Variants in BTBD3 observed in about 807,000 individuals in gnomAD.
The protein encoded by BTBD3 is BTB/POZ domain-containing protein 3.
In BTBD3, 14 loss-of-function variants were observed where a neutral mutation model predicts 41.6. The observed-to-expected ratio is 0.34, with a 90% CI of 0.22 to 0.53. BTBD3 has a LOEUF of 0.53. BTBD3 is among the 20% of genes least tolerant of loss of function. The probability of loss-of-function intolerance (pLI) is 0.95; values close to 1 mark genes in which losing one functional copy is unlikely to be tolerated. For missense variants in BTBD3, 426 were observed against 654.7 expected, an observed-to-expected ratio of 0.65 and a Z score of 3.81; for synonymous variants, 249 against 233.7, an observed-to-expected ratio of 1.07 and a Z score of -0.60.
At chr20:11,919,239 G>T (rs1445381182) in intron 2 of BTBD3, 63 bp downstream of exon 2, 1 of 1,497,572 alleles carries the variant, frequency 6.7e-7, no homozygotes, top group Non-Finnish European at 9.2e-7. Context: ...CTTTCCATAA[G>T]CCTGTAACTT....
chr20:11,922,582 G>T (rs1378991422), intron 3 of BTBD3, 52 bp from the exon 4 acceptor site: 2 of 1,505,006 alleles, frequency 1.3e-6, no homozygotes, highest in Non-Finnish European at 1.8e-6. Context: ...TTTTCTTGCT[G>T]GATGTACTCA....
chr20:11,905,951 T>C (rs1375024563), intron 1 of BTBD3, among the ~76,000 whole-genome samples: 2 of 152,192 alleles, frequency 1.3e-5, no homozygotes, highest in African/African-American at 4.8e-5. Context: ...TTTTAAGTCA[T>C]ATACACATTG....
chr20:11,917,766 A>G (rs1469601844), upstream of BTBD3: 1 of 184,302 alleles, frequency 5.4e-6, no homozygotes, highest in Non-Finnish European at 1.0e-5. Context: ...AGAACTATGC[A>G]TGTTACAATA....
intron 1 of BTBD3, among the ~76,000 whole-genome samples, chr20:11,898,194 C>G (rs1014207450): frequency 2.0e-5 from 3 of 151,936 alleles, no homozygotes; most frequent in African/African-American, 7.3e-5. Flanking sequence ...TTAAAAAGCC[C>G]TACATGATCT....
chr20:11,917,249 T>C (rs2056924449), upstream of BTBD3, among the ~76,000 whole-genome samples: 1 of 152,326 alleles, frequency 6.6e-6, no homozygotes, highest in Non-Finnish European at 1.5e-5. Context: ...GAGTTTATCT[T>C]ATGCTTTAGT....
chr20:11,898,949 T>C (rs1039862027), intron 1 of BTBD3, among the ~76,000 whole-genome samples: 5 of 152,176 alleles, frequency 3.3e-5, no homozygotes, highest in Non-Finnish European at 7.4e-5. Flanking sequence ...TCTTCTCTCT[T>C]TATATTTCAG....
At position 11,925,823 on chromosome 20, in the gene BTBD3, T is replaced by C. The variant is rs1226221519; in HGVS notation, c.*2157T>C. The C allele has an allele frequency of 1.3e-5, 2 of 152,646 alleles. No homozygotes were observed. Among genetic ancestry groups the C allele is most frequent in the African/African-American group, 4.8e-5 (2 of 41,462 alleles). 9.5% of individuals were successfully genotyped at this position (152,646 alleles called of 1,614,324 possible). A position where few individuals can be genotyped will look rare whatever the true frequency, so the allele number is the denominator to read the frequency against. ...TTCATTCACTAACGCTCACTGTCAGTGCCCATGTTTGCTAGCTGCCTCCAT... is the reference window on the plus strand; with the variant it reads ...TTCATTCACTAACGCTCACTGTCAGCGCCCATGTTTGCTAGCTGCCTCCAT... On this transcript the variant is annotated 3_prime_UTR_variant, in exon 4 of 4. Coordinates refer to ENST00000378226, the MANE Select transcript of BTBD3 (RefSeq NM_014962.4).
intron 1 of BTBD3, among the ~76,000 whole-genome samples, chr20:11,906,689 T>C (rs1468373499): frequency 6.6e-6 from 1 of 152,246 alleles, no homozygotes; most frequent in East Asian, 1.9e-4. Context: ...GACTCATGCA[T>C]GTAAGCAGTA....
chr20:11,909,710 G>T (rs1159942551), intron 1 of BTBD3: 1 of 152,146 alleles, frequency 6.6e-6, no homozygotes, highest in African/African-American at 2.4e-5. Flanking sequence ...TTCTGGATAT[G>T]TGTATAGTGT....
intron 1 of BTBD3, among the ~76,000 whole-genome samples, chr20:11,894,509 G>T (rs981756005): frequency 2.0e-5 from 3 of 151,394 alleles, no homozygotes; most frequent in Non-Finnish European, 4.4e-5. Flanking sequence ...TTGATCATCT[G>T]TTTTTTTTCT....
Position 11,919,556 on chromosome 20 carries a change from CT to C in BTBD3, c.418-160del. ...AAATAATTAGCAGCATGGTCTTATG[CT>C]TCCATGGCAAGCTACCCTGTGTACC... is the stretch of plus-strand genomic sequence containing the variant. On this transcript the variant is annotated intron_variant, in intron 2 of 3. Transcript: ENST00000378226. 3.6e-6 allele frequency: 4 copies of C among 1,124,816 alleles called. No individual in the cohort carries two copies. The South Asian group carries it at 6.5e-5, about 18-fold the overall frequency. 69.7% of individuals were successfully genotyped at this position (1,124,816 alleles called of 1,614,324 possible). A position where few individuals can be genotyped will look rare whatever the true frequency, so the allele number is the denominator to read the frequency against.
intron 3 of BTBD3, among the ~76,000 whole-genome samples, chr20:11,920,067 G>A (rs1257815411): frequency 1.3e-5 from 2 of 152,076 alleles, no homozygotes; most frequent in African/African-American, 2.4e-5. Context: ...GGGAGCAAGT[G>A]GCATGTATAG....
intron 1 of BTBD3, among the ~76,000 whole-genome samples, chr20:11,896,643 CTTTCA>C (rs1241517824): frequency 6.6e-6 from 1 of 152,112 alleles, no homozygotes; most frequent in Non-Finnish European, 1.5e-5. Flanking sequence ...AAAATCTATC[CTTTCA>C]TTTCCAAGTT....
intron 1 of BTBD3, among the ~76,000 whole-genome samples, chr20:11,893,916 C>T (rs1360547374): frequency 6.6e-6 from 1 of 152,294 alleles, no homozygotes; most frequent in Non-Finnish European, 1.5e-5. Flanking sequence ...ATATTAGAGA[C>T]GTTTCCTTTT....
intron 1 of BTBD3, among the ~76,000 whole-genome samples, chr20:11,895,679 C>T (rs1210945204): frequency 6.6e-6 from 1 of 152,172 alleles, no homozygotes; most frequent in Non-Finnish European, 1.5e-5. Context: ...GAACAAATCT[C>T]TAGTCTTGCT....
intron 1 of BTBD3, among the ~76,000 whole-genome samples, chr20:11,910,824 C>G (rs2056884732): frequency 6.6e-6 from 1 of 152,146 alleles, no homozygotes; most frequent in Non-Finnish European, 1.5e-5. Context: ...GGAACTCTTA[C>G]CAGTCCTGGC....
intron 2 of BTBD3, 124 bp from the exon 3 acceptor site, chr20:11,919,594 A>G: frequency 8.3e-7 from 1 of 1,205,216 alleles, no homozygotes; most frequent in South Asian, 1.4e-5. Flanking sequence ...TGGCTTTTTC[A>G]AAGCAGTAGA....
At chr20:11,896,193 A>G (rs551276040) in intron 1 of BTBD3, among the ~76,000 whole-genome samples, 1 of 152,288 alleles carries the variant, frequency 6.6e-6, no homozygotes, top group South Asian at 2.1e-4. Flanking sequence ...ATGACCTTTT[A>G]TCTCTCAGCA....
intron 1 of BTBD3, 40 bp downstream of exon 1, chr20:11,918,641 T>C: frequency 9.9e-6 from 15 of 1,519,982 alleles, no homozygotes; most frequent in Non-Finnish European, 1.3e-5. Flanking sequence ...AAAGTTTTCC[T>C]GTGTTGAAGT....
Sources: gnomAD v4.1 joint callset for allele counts (sites outside exome capture counted in the v4.1 genomes callset) on GRCh38, gnomAD v4.1.1 for gene constraint, MANE v1.5 for transcripts, NCBI Gene and HGNC (gene_info 2026-07-23, HGNC 2026-07-21) for gene names.